The following ANKRD12 variants were observed in gnomAD, a reference collection of about 807,000 sequenced individuals.
The protein encoded by ANKRD12 is ankyrin repeat domain-containing protein 12.
Under a neutral mutation model 183.4 loss-of-function variants are expected in ANKRD12, and 85 were observed. The ratio of observed to expected loss-of-function variants is 0.46; its 90% CI spans 0.39 to 0.56. The LOEUF is 0.56. Ranked by LOEUF, ANKRD12 falls within the 20% of genes least tolerant of loss-of-function variation. The probability of loss-of-function intolerance (pLI) is 0.00; values close to 1 mark genes in which losing one functional copy is unlikely to be tolerated. For missense variants in ANKRD12, 2,405 were observed against 2,357.1 expected (o/e 1.02, Z -0.42); for synonymous variants, 914 against 800.2 (o/e 1.14, Z -2.40).
chr18:9,236,602 T>C (rs561699709), intron 8 of ANKRD12, among the ~76,000 whole-genome samples: 22 of 151,932 alleles, frequency 1.4e-4, no homozygotes, highest in Admixed American at 7.2e-4. Context: ...AAGAGAATCA[T>C]GAAAGAAAAG....
Position 9,261,917 on chromosome 18 carries a change from T to C in ANKRD12, c.5665-1873T>C, listed in dbSNP as rs557322807. ...ACATTCCTTGAAATAACTAGAGGCC[T>C]ATATGGTTTTCCAAAACTAAAACAG... On this transcript the variant is annotated intron_variant, in intron 9 of 12. Coordinates refer to ENST00000262126, the MANE Select transcript of ANKRD12 (RefSeq NM_015208.5). 7.9e-5 allele frequency among the ~76,000 whole-genome samples: 12 copies of C among 152,322 alleles called. No homozygotes were observed. In the East Asian group the frequency reaches 2.3e-3, roughly 29 times the overall value.
chr18:9,168,032 A>G (rs891595835), intron 1 of ANKRD12, among the ~76,000 whole-genome samples: 21 of 152,104 alleles, frequency 1.4e-4, no homozygotes, highest in African/African-American at 4.3e-4. Context: ...ATTGATTTGC[A>G]TATGTTGAAC....
intron 1 of ANKRD12, 108 bp downstream of exon 1, chr18:9,137,073 C>G (rs954737892): frequency 3.4e-4 from 52 of 152,224 alleles, no homozygotes; most frequent in African/African-American, 1.2e-3. Context: ...CTGCGCTGCT[C>G]CCGTTCCCCC....
intron 1 of ANKRD12, among the ~76,000 whole-genome samples, chr18:9,180,664 G>A (rs2033637567): frequency 6.6e-6 from 1 of 152,142 alleles, no homozygotes; most frequent in Non-Finnish European, 1.5e-5. Flanking sequence ...AGCTAACTCA[G>A]TATTAAATGC....
intron 2 of ANKRD12, among the ~76,000 whole-genome samples, chr18:9,184,715 G>A (rs1487006025): frequency 2.6e-5 from 4 of 152,054 alleles, no homozygotes; most frequent in Admixed American, 6.5e-5. Context: ...GATATAATTC[G>A]CATGCCATAC....
In ANKRD12 at chr18:9,258,763, A is replaced by C; in HGVS notation, c.5496A>C (p.Arg1832Ser). ...LDEIQPYSSE[R>S]ANPYFEYLHI... ...AGATTCAGCCATACAGTTCAGAGAG[A>C]GCAAATCCATATTTTGAATACTTGC... Residue 1832 changes from arginine to serine, a missense_variant, in exon 9 of 13, where the codon AGA becomes AGC. Physicochemically the swap from Arg to Ser is moderately radical, Grantham distance 110. Around this residue, in one of 7 missense-constraint regions of ANKRD12, gnomAD observed 1,983 missense variants for 1,725.9 expected, o/e 1.15. Coordinates refer to ENST00000262126, the MANE Select transcript of ANKRD12 (RefSeq NM_015208.5). 6.2e-7 allele frequency: 1 copy of C among 1,613,922 alleles called. No individual in the cohort carries two copies.
At chr18:9,141,305 G>A (rs1038750040) in intron 1 of ANKRD12, among the ~76,000 whole-genome samples, 1 of 152,084 alleles carries the variant, frequency 6.6e-6, no homozygotes, top group African/African-American at 2.4e-5. Flanking sequence ...CATATAATAT[G>A]AGGCTATCCT....
At chr18:9,142,926 TTAGA>T (rs2078369372) in intron 1 of ANKRD12, among the ~76,000 whole-genome samples, 1 of 152,086 alleles carries the variant, frequency 6.6e-6, no homozygotes, top group South Asian at 2.1e-4. Flanking sequence ...ATAAAGACAA[TTAGA>T]TAAGAAAATT....
chr18:9,263,777 T>A lies in ANKRD12; in HGVS notation c.5665-13T>A. 6.6e-7 allele frequency: 1 copy of A among 1,525,724 alleles called. No individual in the cohort carries two copies. The allele number at this position is 1,525,724 out of a possible 1,614,324, so 94.5% of individuals were successfully genotyped here. On this transcript the variant is annotated splice_polypyrimidine_tract_variant and intron_variant, in intron 9 of 12. Transcript: ENST00000262126. ...AACCTAATATTTTAAACTATATATA[T>A]CTTTTTAATTAGATTACACCACCAC...
intron 8 of ANKRD12, chr18:9,250,277 T>C (rs961997960): frequency 6.6e-6 from 1 of 151,872 alleles, no homozygotes; most frequent in African/African-American, 2.4e-5. Context: ...ATTGTTGGAG[T>C]TTTTATGTTA....
Position 9,257,294 on chromosome 18 carries a change from A to C in ANKRD12, c.4027A>C (p.Ser1343Arg). Residue 1343 changes from serine to arginine, a missense_variant, in exon 9 of 13, where the codon AGT becomes CGT. Coordinates refer to ENST00000262126, the MANE Select transcript of ANKRD12 (RefSeq NM_015208.5). Reference sequence around the variant, plus strand: ...CTTATTAACTGTGCCAGGAGATACTAGTCCTTCTCCCAAACCTGAGGTATT... The same window carrying C: ...CTTATTAACTGTGCCAGGAGATACTCGTCCTTCTCCCAAACCTGAGGTATT... Reference protein sequence around the residue: ...GSLLTVPGDTSPSPKPEVFSN... With the variant: ...GSLLTVPGDTRPSPKPEVFSN... 1.2e-6 allele frequency: 2 copies of C among 1,614,172 alleles called. No homozygotes were observed. The highest frequency in any genetic ancestry group is 1.7e-6 in the Non-Finnish European group (2 of 1,179,992).
At position 9,257,375 on chromosome 18, in the gene ANKRD12, G is replaced by A. The variant is rs2038698732; in HGVS notation, c.4108G>A (p.Ala1370Thr). The change falls in exon 9 of 13, where the codon GCA becomes ACA. Residue 1370 changes from alanine (A) to threonine (T), a missense_variant. By Grantham distance (58) the Ala-to-Thr change is moderately conservative (BLOSUM62 0). Coordinates refer to ENST00000262126, the MANE Select transcript of ANKRD12 (RefSeq NM_015208.5). ...SNVSNIHSSFATSPTGASNSK... is the reference protein window; with the variant it reads ...SNVSNIHSSFTTSPTGASNSK... ...TGTATCTAACATACATTCCAGTTTT[G>A]CAACTTCTCCAACTGGAGCTTCAAA... The A allele has an allele frequency of 1.2e-6, 2 of 1,613,940 alleles. No individual in the cohort carries two copies. The highest frequency in any genetic ancestry group is 3.3e-5 in the Admixed American group (2 of 59,990).
At chr18:9,210,114 G>C (rs2035708676) in intron 5 of ANKRD12, among the ~76,000 whole-genome samples, 1 of 151,990 alleles carries the variant, frequency 6.6e-6, no homozygotes, top group African/African-American at 2.4e-5. Flanking sequence ...TATAGAATTA[G>C]AATGGAAAAC....
At chr18:9,205,118 T>C (rs182554649) in intron 4 of ANKRD12, among the ~76,000 whole-genome samples, 56 of 152,354 alleles carry the variant, frequency 3.7e-4, no homozygotes, top group African/African-American at 1.3e-3. Context: ...GCAACCTCTC[T>C]ATTAAGCTAT....
chr18:9,285,734 T>A lies in ANKRD12; in HGVS notation c.*4608T>A, dbSNP rs1226842116. ...CCCCTGAGGCAGCCACTGTGCTGAT[T>A]TCCCATCACCATACATTAGTTGTAC... is the stretch of plus-strand genomic sequence containing the variant. On this transcript the variant is annotated 3_prime_UTR_variant, in exon 13 of 13. Coordinates refer to ENST00000262126, the MANE Select transcript of ANKRD12 (RefSeq NM_015208.5). 1 of 152,184 alleles carries A rather than the reference T, an allele frequency of 6.6e-6. No homozygotes were observed. The highest frequency in any genetic ancestry group is 2.4e-5 in the African/African-American group (1 of 41,456). 9.4% of individuals were successfully genotyped at this position (152,184 alleles called of 1,614,324 possible).
chr18:9,172,893 T>TTTTTTGTTTTTTTG (rs2032880236), intron 1 of ANKRD12, among the ~76,000 whole-genome samples: 1 of 151,556 alleles, frequency 6.6e-6, no homozygotes. Flanking sequence ...TTTTTTTTTG[T>TTTTTTGTTTTTTTG]TTTTTGTTTT....
At chr18:9,142,849 A>C (rs1360275710) in intron 1 of ANKRD12, among the ~76,000 whole-genome samples, 1 of 151,368 alleles carries the variant, frequency 6.6e-6, no homozygotes, top group East Asian at 1.9e-4. Context: ...GAGCCACTGC[A>C]CTCCAGCCTG....
chr18:9,254,787 C>T lies in ANKRD12; in HGVS notation c.1520C>T (p.Thr507Ile), dbSNP rs17498752. The T allele has an allele frequency of 0.078, 114,281 of 1,474,576 alleles. 4,769 individuals carry two copies. Among genetic ancestry groups the T allele is most frequent in the Non-Finnish European group, 0.084 (93,461 of 1,114,304 alleles). 91.3% of individuals were successfully genotyped at this position (1,474,576 alleles called of 1,614,324 possible). A position where few individuals can be genotyped will look rare whatever the true frequency, so the allele number is the denominator to read the frequency against. ...AGAATAACAAACTTGACAGTAAATA[C>T]TGGACTAGATTGTTCAGAAAAGACC... ...NTRITNLTVN[T>I]GLDCSEKTRE... Residue 507 changes from threonine to isoleucine, a missense_variant, in exon 9 of 13, where the codon ACT becomes ATT. Thr to Ile is a moderately conservative substitution (Grantham distance 89, BLOSUM62 -1). Around this residue, in one of 7 missense-constraint regions of ANKRD12, gnomAD observed 1,983 missense variants for 1,725.9 expected, o/e 1.15. Coordinates refer to ENST00000262126, the MANE Select transcript of ANKRD12 (RefSeq NM_015208.5).
intron 8 of ANKRD12, among the ~76,000 whole-genome samples, chr18:9,226,064 G>GT (rs1265371280): frequency 1.3e-5 from 2 of 152,112 alleles, no homozygotes; most frequent in Non-Finnish European, 2.9e-5. Flanking sequence ...TAAATATAAT[G>GT]TATATATGAG....
Sources: allele counts gnomAD v4.1 joint callset (sites outside exome capture counted in the v4.1 genomes callset), GRCh38; gene constraint gnomAD v4.1.1; regional missense constraint gnomAD v4.1.1; transcripts MANE v1.5; gene names NCBI Gene and HGNC (gene_info 2026-07-23, HGNC 2026-07-21).